Variants in XKR9 observed in about 807,000 individuals in gnomAD.
The protein encoded by XKR9 is XK related 9.
In XKR9, 32 loss-of-function variants were observed where a neutral mutation model predicts 32.0. The observed-to-expected ratio is 1.00, with a 90% CI of 0.76 to 1.34. The LOEUF (loss-of-function observed/expected upper bound fraction) is 1.34, where lower values mean the gene tolerates loss of function less well. Ranked by LOEUF, XKR9 falls within the 40% of genes most tolerant of loss-of-function variation. The probability of loss-of-function intolerance (pLI) is 0.00; values close to 1 mark genes in which losing one functional copy is unlikely to be tolerated. For synonymous variants in XKR9, 168 were observed against 143.4 expected, an observed-to-expected ratio of 1.17 and a Z score of -1.22; for missense variants, 546 against 429.7, an observed-to-expected ratio of 1.27 and a Z score of -2.39.
intron 2 of XKR9, among the ~76,000 whole-genome samples, chr8:70,743,249 A>T (rs1236015094): frequency 1.3e-5 from 2 of 151,922 alleles, no homozygotes; most frequent in Non-Finnish European, 2.9e-5. Flanking sequence ...GGTTCTTTTT[A>T]TGGTTTCTAT....
At chr8:71,055,226 G>A in the XKR9 span, among the ~76,000 whole-genome samples, 1 of 152,194 alleles carries the variant, frequency 6.6e-6, no homozygotes, top group Non-Finnish European at 1.5e-5. Flanking sequence ...TGTCTGTTCT[G>A]AAGGTGCTGT....
At chr8:70,764,595 ATTTTG>A (rs1413073139) in intron 2 of XKR9, among the ~76,000 whole-genome samples, 4 of 151,988 alleles carry the variant, frequency 2.6e-5, no homozygotes, top group Admixed American at 6.6e-5. Context: ...TTAGAATATT[ATTTTG>A]TTTTATTATA....
chr8:70,999,326 G>A, the XKR9 span, among the ~76,000 whole-genome samples: 1 of 152,264 alleles, frequency 6.6e-6, no homozygotes, highest in Non-Finnish European at 1.5e-5. Flanking sequence ...TAATGAGCTA[G>A]CTCCTAGTCC....
chr8:70,899,801 CAG>C, the XKR9 span, among the ~76,000 whole-genome samples: 1 of 152,132 alleles, frequency 6.6e-6, no homozygotes, highest in African/African-American at 2.4e-5. Context: ...TTTAAAGTGA[CAG>C]AGTTCTCCCT....
chr8:70,874,156 C>T, the XKR9 span, among the ~76,000 whole-genome samples: 1 of 152,144 alleles, frequency 6.6e-6, no homozygotes, highest in East Asian at 1.9e-4. Context: ...TTTATATGCA[C>T]AGGGAAACCA....
the XKR9 span, among the ~76,000 whole-genome samples, chr8:70,809,378 A>G: frequency 8.5e-5 from 13 of 152,214 alleles, no homozygotes; most frequent in Admixed American, 8.5e-4. Context: ...AATTCTAAAA[A>G]TCAGAATGCC....
chr8:70,912,176 T>C, the XKR9 span, among the ~76,000 whole-genome samples: 1 of 152,096 alleles, frequency 6.6e-6, no homozygotes, highest in Non-Finnish European at 1.5e-5. Context: ...GCTAGTGATG[T>C]AGGCTAAATC....
intron 2 of XKR9, among the ~76,000 whole-genome samples, chr8:70,769,228 C>CTTTTT (rs879627943): frequency 7.5e-6 from 1 of 132,894 alleles, no homozygotes; most frequent in African/African-American, 2.8e-5. Flanking sequence ...GTTGAAAAAT[C>CTTTTT]TTTTTTTTTT....
the XKR9 span, among the ~76,000 whole-genome samples, chr8:70,867,572 C>T: frequency 6.6e-6 from 1 of 152,212 alleles, no homozygotes; most frequent in East Asian, 1.9e-4. Context: ...CTGCCTCAGC[C>T]TCCCAAGTAG....
chr8:70,777,666 G>A (rs562788080), intron 2 of XKR9, among the ~76,000 whole-genome samples: 2 of 152,234 alleles, frequency 1.3e-5, no homozygotes, highest in African/African-American at 2.4e-5. Flanking sequence ...GCATGAGATG[G>A]TATCTCATTG....
chr8:70,730,863 C>G (rs563702704), intron 4 of XKR9, among the ~76,000 whole-genome samples: 1 of 152,284 alleles, frequency 6.6e-6, no homozygotes, highest in African/African-American at 2.4e-5. Context: ...TGCAGAGGCT[C>G]TTAACTGCTC....
the XKR9 span, among the ~76,000 whole-genome samples, chr8:70,971,976 G>GT: frequency 1.3e-5 from 2 of 151,964 alleles, no homozygotes; most frequent in South Asian, 4.2e-4. Context: ...CTTTAGGATT[G>GT]TTTTTTCTAG....
the XKR9 span, among the ~76,000 whole-genome samples, chr8:71,030,900 G>T: frequency 6.6e-6 from 1 of 152,094 alleles, no homozygotes; most frequent in Non-Finnish European, 1.5e-5. Flanking sequence ...TTCAGTGACT[G>T]TTATATAATA....
At chr8:70,957,783 CTTTTTTTTT>C in the XKR9 span, among the ~76,000 whole-genome samples, 1 of 84,790 alleles carries the variant, frequency 1.2e-5, no homozygotes, top group African/African-American at 4.3e-5. Context: ...TTCAGTCTAT[CTTTTTTTTT>C]TTTTTTTTTT....
the XKR9 span, among the ~76,000 whole-genome samples, chr8:70,820,347 G>T: frequency 6.6e-6 from 1 of 152,280 alleles, no homozygotes; most frequent in African/African-American, 2.4e-5. Flanking sequence ...AATTTATAAA[G>T]AAAAGGGGTT....
At chr8:71,055,256 G>A in the XKR9 span, among the ~76,000 whole-genome samples, 39 of 152,280 alleles carry the variant, frequency 2.6e-4, no homozygotes, top group African/African-American at 9.1e-4. Context: ...CAAGATTAAA[G>A]TTGAAACAGA....
At chr8:70,940,102 C>A in the XKR9 span, among the ~76,000 whole-genome samples, 1 of 151,822 alleles carries the variant, frequency 6.6e-6, no homozygotes, top group African/African-American at 2.4e-5. Flanking sequence ...GAAGGAGGCA[C>A]CCTAGGTTCT....
At chr8:70,757,846 CAA>C (rs1239899452) in intron 2 of XKR9, among the ~76,000 whole-genome samples, 1 of 152,192 alleles carries the variant, frequency 6.6e-6, no homozygotes, top group Non-Finnish European at 1.5e-5. Context: ...CTCAGCCTCC[CAA>C]AGTGCTGAGA....
the XKR9 span, among the ~76,000 whole-genome samples, chr8:71,021,748 G>A: frequency 2.6e-5 from 4 of 152,042 alleles, no homozygotes; most frequent in South Asian, 2.1e-4. Flanking sequence ...TGATCCGCCC[G>A]TCTCGGCCTC....
Sources: allele counts gnomAD v4.1 joint callset (sites outside exome capture counted in the v4.1 genomes callset), GRCh38; gene constraint gnomAD v4.1.1; transcripts MANE v1.5; gene names NCBI Gene and HGNC (gene_info 2026-07-23, HGNC 2026-07-21).